KTN1: variants seen among roughly 807,000 people sequenced by gnomAD.
KTN1 encodes the protein kinectin 1.
In KTN1, 130 loss-of-function variants were observed where a neutral mutation model predicts 222.5. That is an observed-to-expected ratio of 0.58 (90% CI 0.51 to 0.68). The LOEUF is 0.68. KTN1 is among the 30% of genes least tolerant of loss of function. The pLI is 0.00. For missense variants in KTN1, 1,508 were observed against 1,500.4 expected (o/e 1.01, Z -0.08); for synonymous variants, 512 against 496.3 (o/e 1.03, Z -0.42).
intron 28 of KTN1, among the ~76,000 whole-genome samples, 154 bp from the exon 29 acceptor site, chr14:55,655,888 A>G (rs1025670143): frequency 2.6e-5 from 4 of 152,208 alleles, no homozygotes; most frequent in African/African-American, 9.6e-5. Flanking sequence ...TCCTAGAAAT[A>G]TCTTTTTAAA....
chr14:55,631,368 A>G (rs921507243), intron 7 of KTN1, among the ~76,000 whole-genome samples: 2 of 145,466 alleles, frequency 1.4e-5, no homozygotes, highest in African/African-American at 5.1e-5. Context: ...ATATATATAT[A>G]TGTATTTTTT....
At chr14:55,658,051 C>A (rs1445510017) in intron 29 of KTN1, among the ~76,000 whole-genome samples, 3 of 152,074 alleles carry the variant, frequency 2.0e-5, no homozygotes, top group African/African-American at 7.2e-5. Context: ...GAAGGCTAGC[C>A]ACATTATTAA....
chr14:55,656,270 A>T, intron 29 of KTN1, 138 bp downstream of exon 29: 1 of 615,420 alleles, frequency 1.6e-6, no homozygotes, highest in Non-Finnish European at 2.9e-6. Flanking sequence ...CATTATTGGC[A>T]TGTTTTTTGA....
rs57884622 is a variant in KTN1, at chr14:55,636,015, G to A, written c.1462-434G>A. On this transcript the variant is annotated intron_variant, in intron 9 of 43. Coordinates refer to ENST00000395314, the MANE Select transcript of KTN1 (RefSeq NM_001079521.2). ...AAATGACATTAAAGATTATAGTCAT[G>A]ATTGGAGTGTTGTGTTATAAAAATA... Among the ~76,000 whole-genome samples the A allele has an allele frequency of 5.8e-3, 889 of 152,270 alleles. 6 individuals are homozygous for A. Among genetic ancestry groups the A allele is most frequent in the African/African-American group, 0.02 (848 of 41,562 alleles).
chr14:55,601,287 A>G (rs1369199660), intron 1 of KTN1, among the ~76,000 whole-genome samples: 1 of 152,230 alleles, frequency 6.6e-6, no homozygotes, highest in Non-Finnish European at 1.5e-5. Flanking sequence ...GTTGCAGTTT[A>G]AAAGGAGAAA....
At chr14:55,580,546 C>G (rs1478306695) in intron 1 of KTN1, among the ~76,000 whole-genome samples, 192 bp downstream of exon 1, 2 of 150,858 alleles carry the variant, frequency 1.3e-5, no homozygotes, top group African/African-American at 4.9e-5. Context: ...TTGTTGGGGC[C>G]GGGACGCCGC....
At chr14:55,647,549 C>G (rs998772325) in intron 19 of KTN1, among the ~76,000 whole-genome samples, 1 of 143,540 alleles carries the variant, frequency 7.0e-6, no homozygotes, top group Non-Finnish European at 1.5e-5. Context: ...AGGAGAATCA[C>G]TTGAACCTGG....
At chr14:55,637,539 C>T (rs1051169909) in intron 11 of KTN1, among the ~76,000 whole-genome samples, 175 bp downstream of exon 11, 2 of 151,598 alleles carry the variant, frequency 1.3e-5, no homozygotes, top group African/African-American at 4.8e-5. Context: ...GGTGTGCTCA[C>T]CCACAGTCTT....
At chr14:55,654,258 A>G (rs1046242300) in intron 28 of KTN1, among the ~76,000 whole-genome samples, 1 of 152,122 alleles carries the variant, frequency 6.6e-6, no homozygotes, top group African/African-American at 2.4e-5. Context: ...TGGTGATACC[A>G]TTACTCTTTA....
chr14:55,624,455 G>T (rs2039540776), intron 5 of KTN1, among the ~76,000 whole-genome samples: 1 of 152,182 alleles, frequency 6.6e-6, no homozygotes. Flanking sequence ...TGAACACTTT[G>T]TAGAGAGTAG....
At position 55,679,649 on chromosome 14, in the gene KTN1, C is replaced by G; in HGVS notation, c.4033C>G (p.Gln1345Glu). 6.2e-7 allele frequency: 1 copy of G among 1,613,912 alleles called. No homozygotes were observed. Among genetic ancestry groups the G allele is most frequent in the Non-Finnish European group, 8.5e-7 (1 of 1,179,802 alleles). Reference protein sequence around the residue: ...LQQLLQAVNQQLTKEKEHYQV... With the variant: ...LQQLLQAVNQELTKEKEHYQV... ...GCAGTTGCTTCAGGCGGTAAACCAACAGCTCACAAAGGAGAAAGAGCACTA... is the reference window on the plus strand; with the variant it reads ...GCAGTTGCTTCAGGCGGTAAACCAAGAGCTCACAAAGGAGAAAGAGCACTA... The change falls in exon 43 of 44, where the codon CAG becomes GAG. Residue 1345 changes from glutamine to glutamate, a missense_variant. Physicochemically the swap from Gln to Glu is conservative, Grantham distance 29. Transcript: ENST00000395314.
chr14:55,591,857 T>C (rs1174002157), intron 1 of KTN1, among the ~76,000 whole-genome samples: 1 of 152,222 alleles, frequency 6.6e-6, no homozygotes, highest in Non-Finnish European at 1.5e-5. Context: ...ATTACAGGCG[T>C]GAGCCACTGC....
rs764432989 is a variant in KTN1 at position 55,664,035 on chromosome 14, T to A, written c.3171T>A (p.Thr1057=). 6.2e-7 allele frequency: 1 copy of A among 1,607,798 alleles called. No individual in the cohort carries two copies. The highest frequency in any genetic ancestry group is 8.5e-7 in the Non-Finnish European group (1 of 1,175,144). The change falls in exon 33 of 44, where the codon ACT becomes ACA. Residue 1057 remains threonine, a synonymous_variant. Transcript: ENST00000395314. The stretch of plus-strand genomic sequence containing the variant: ...TGCTGCAGGACAAAGTGAACAAGAC[T>A]TCCAAGGTTGTAATGCTAACTCCTA... The part of the protein sequence containing the change: ...EKMLQDKVNK[T]SKERQQQVEA...
intron 18 of KTN1, among the ~76,000 whole-genome samples, chr14:55,642,717 G>A (rs1384571970): frequency 2.0e-5 from 3 of 152,052 alleles, no homozygotes; most frequent in African/African-American, 7.2e-5. Flanking sequence ...AAGTAGCTGT[G>A]CCTCTGGAAG....
At chr14:55,630,978 T>C (rs143764631) in intron 7 of KTN1, among the ~76,000 whole-genome samples, 22 of 152,192 alleles carry the variant, frequency 1.4e-4, no homozygotes, top group African/African-American at 5.1e-4. Flanking sequence ...TTGGCCTGAG[T>C]GATTTTGTCT....
At chr14:55,615,192 A>G (rs2038168024) in intron 2 of KTN1, among the ~76,000 whole-genome samples, 1 of 152,170 alleles carries the variant, frequency 6.6e-6, no homozygotes, top group Admixed American at 6.5e-5. Context: ...ATTGTGGCAA[A>G]TTACAGCATG....
At position 55,584,340 on chromosome 14, in the gene KTN1, C is replaced by A. The variant is rs188694461; in HGVS notation, c.-31+3986C>A. Among the ~76,000 whole-genome samples, 2 of 152,158 alleles carry A rather than the reference C, an allele frequency of 1.3e-5. 1 individual carries two copies. The highest frequency in any genetic ancestry group is 1.3e-4 in the Admixed American group (2 of 15,280). On this transcript the variant is annotated intron_variant, in intron 1 of 43. Coordinates refer to ENST00000395314, the MANE Select transcript of KTN1 (RefSeq NM_001079521.2). ...AGGCTCCATCAATAAACAAAACAGA[C>A]GAAAAGCTCTGCCCTGATAGAAGTT...
chr14:55,683,778 C>T (rs2046565227), intron 43 of KTN1: 1 of 263,378 alleles, frequency 3.8e-6, no homozygotes, highest in Non-Finnish European at 7.1e-6. Flanking sequence ...GTATTCAACC[C>T]CTTTTCAGTG....
At chr14:55,654,013 TG>T (rs2043201435) in intron 28 of KTN1, among the ~76,000 whole-genome samples, 1 of 152,212 alleles carries the variant, frequency 6.6e-6, no homozygotes, top group Non-Finnish European at 1.5e-5. Context: ...TAAACCTTTC[TG>T]TAATTTTAAT....
Sources: allele counts gnomAD v4.1 joint callset (sites outside exome capture counted in the v4.1 genomes callset), GRCh38; gene constraint gnomAD v4.1.1; transcripts MANE v1.5; gene names NCBI Gene and HGNC (gene_info 2026-07-23, HGNC 2026-07-21).